THSD7A: variants seen among roughly 807,000 people sequenced by gnomAD.
THSD7A encodes the protein thrombospondin type-1 domain-containing protein 7A.
THSD7A carries 96 observed loss-of-function variants against 231.3 expected under a neutral mutation model. The ratio of observed to expected loss-of-function variants is 0.41; its 90% CI spans 0.35 to 0.49. The LOEUF is 0.49. Among genes scored for constraint, THSD7A ranks in the 20% least tolerant of loss-of-function variants. The pLI is 0.05. For missense variants in THSD7A, 2,290 were observed against 2,070.2 expected, an observed-to-expected ratio of 1.11 and a Z score of -2.06; for synonymous variants, 940 against 743.3, an observed-to-expected ratio of 1.26 and a Z score of -4.30.
In THSD7A at chr7:11,637,762, T is replaced by C. The variant is rs141684783; in HGVS notation, c.191-801A>G. 4.1e-4 allele frequency among the ~76,000 whole-genome samples: 63 copies of C among 152,320 alleles called. No homozygotes were observed. The highest frequency in any genetic ancestry group is 3.4e-3 in the Middle Eastern group (1 of 294). On this transcript the variant is annotated intron_variant, in intron 1 of 27. Coordinates refer to ENST00000423059, the MANE Select transcript of THSD7A (RefSeq NM_015204.3). The surrounding 1 kb of genome is among the most constrained non-coding windows in gnomAD (Gnocchi z 4.2). ...CTGTTTGATGTGATACTTAAATCAG[T>C]GGCTTTAATATGAAATATGGGTTTT...
At chr7:11,410,184 G>A (rs547043304) in intron 19 of THSD7A, among the ~76,000 whole-genome samples, 16 of 152,260 alleles carry the variant, frequency 1.1e-4, no homozygotes, top group African/African-American at 3.8e-4. Flanking sequence ...ATTGCAGGAG[G>A]CATTTATTAA....
intron 11 of THSD7A, among the ~76,000 whole-genome samples, chr7:11,458,915 G>GA (rs1261321370): frequency 6.6e-6 from 1 of 152,134 alleles, no homozygotes; most frequent in Non-Finnish European, 1.5e-5. Flanking sequence ...GTTTAATGAA[G>GA]ACAGCATGTG....
intron 1 of THSD7A, among the ~76,000 whole-genome samples, chr7:11,810,362 C>A (rs1464359697): frequency 2.0e-5 from 3 of 152,150 alleles, no homozygotes; most frequent in Admixed American, 2.0e-4. Flanking sequence ...TTTCTTGGCC[C>A]TTCCTTGCCC....
At chr7:11,644,476 G>C (rs1170568548) in intron 1 of THSD7A, among the ~76,000 whole-genome samples, 1 of 151,912 alleles carries the variant, frequency 6.6e-6, no homozygotes, top group African/African-American at 2.4e-5. Context: ...TAGCTTCTTT[G>C]ACTTGAGTTT....
intron 6 of THSD7A, among the ~76,000 whole-genome samples, chr7:11,511,301 A>G (rs1787798745): frequency 6.6e-6 from 1 of 152,210 alleles, no homozygotes; most frequent in Non-Finnish European, 1.5e-5. Context: ...AACAAATGGA[A>G]GAACATTCCA....
intron 6 of THSD7A, among the ~76,000 whole-genome samples, chr7:11,532,053 A>G (rs2023864): frequency 0.77 from 117,337 of 151,900 alleles, 46,160 homozygotes; most frequent in African/African-American, 0.91. Flanking sequence ...GCAATAAGTG[A>G]CCATTCAGCT....
intron 1 of THSD7A, among the ~76,000 whole-genome samples, chr7:11,771,578 T>G (rs1159365706): frequency 6.6e-6 from 1 of 152,140 alleles, no homozygotes; most frequent in Non-Finnish European, 1.5e-5. Context: ...TTATGCAATT[T>G]CAATATATAC....
chr7:11,659,837 A>G (rs987563425), intron 1 of THSD7A, among the ~76,000 whole-genome samples: 1 of 151,494 alleles, frequency 6.6e-6, no homozygotes, highest in African/African-American at 2.4e-5. Flanking sequence ...ATTATAATAC[A>G]AATTTTGCTA....
At chr7:11,559,538 T>A (rs1251797360) in intron 4 of THSD7A, among the ~76,000 whole-genome samples, 1 of 150,912 alleles carries the variant, frequency 6.6e-6, no homozygotes, top group African/African-American at 2.4e-5. Context: ...TATATATAAA[T>A]CCATATATGT....
intron 1 of THSD7A, among the ~76,000 whole-genome samples, chr7:11,725,959 G>T (rs1254284041): frequency 6.6e-6 from 1 of 151,948 alleles, no homozygotes; most frequent in Non-Finnish European, 1.5e-5. Context: ...CTTGGAAAAT[G>T]AATCTTATGA....
chr7:11,768,557 C>T (rs1783101594), intron 1 of THSD7A, among the ~76,000 whole-genome samples: 1 of 152,040 alleles, frequency 6.6e-6, no homozygotes. Context: ...AGGTAATTAG[C>T]GATGGGTATG....
chr7:11,760,094 G>C (rs753172097), intron 1 of THSD7A, among the ~76,000 whole-genome samples: 1 of 152,080 alleles, frequency 6.6e-6, no homozygotes, highest in Non-Finnish European at 1.5e-5. Context: ...GGAAAGAAGA[G>C]AAAGATGATG....
chr7:11,664,314 A>T (rs1446365549), intron 1 of THSD7A, among the ~76,000 whole-genome samples: 2 of 151,882 alleles, frequency 1.3e-5, no homozygotes, highest in African/African-American at 4.8e-5. Flanking sequence ...GATGGCTGGG[A>T]GTAGACTTGG....
At chr7:11,798,090 T>C (rs1165981341) in intron 1 of THSD7A, among the ~76,000 whole-genome samples, 2 of 152,174 alleles carry the variant, frequency 1.3e-5, no homozygotes, top group Admixed American at 1.3e-4. Flanking sequence ...GATTGCAAGT[T>C]GTATAGGATT....
At chr7:11,787,239 G>A (rs531631526) in intron 1 of THSD7A, among the ~76,000 whole-genome samples, 8 of 151,064 alleles carry the variant, frequency 5.3e-5, no homozygotes, top group African/African-American at 2.0e-4. Flanking sequence ...ACACAGATCT[G>A]ACATTCTTCA....
At chr7:11,529,492 G>A (rs988458334) in intron 6 of THSD7A, among the ~76,000 whole-genome samples, 7 of 152,082 alleles carry the variant, frequency 4.6e-5, no homozygotes, top group Non-Finnish European at 8.8e-5. Context: ...GCAGGGACCA[G>A]GTGGGAGGTA....
chr7:11,463,085 T>C (rs1785566367), intron 9 of THSD7A, among the ~76,000 whole-genome samples: 1 of 152,178 alleles, frequency 6.6e-6, no homozygotes, highest in East Asian at 1.9e-4. Context: ...TCTTCAAATA[T>C]TTCATACATA....
intron 4 of THSD7A, among the ~76,000 whole-genome samples, chr7:11,587,119 C>T (rs1202403107): frequency 6.6e-6 from 1 of 152,162 alleles, no homozygotes; most frequent in African/African-American, 2.4e-5. Context: ...AATCTACTTT[C>T]ATTTTACTTT....
chr7:11,801,832 G>A (rs1008006356), intron 1 of THSD7A, among the ~76,000 whole-genome samples: 1 of 152,214 alleles, frequency 6.6e-6, no homozygotes, highest in East Asian at 1.9e-4. Context: ...GTCAGGCAAA[G>A]CTTACCACAA....
Sources: gnomAD v4.1 joint callset for allele counts (sites outside exome capture counted in the v4.1 genomes callset) on GRCh38, gnomAD v4.1.1 for gene constraint, Gnocchi (gnomAD v3.1) non-coding constraint, MANE v1.5 for transcripts, NCBI Gene and HGNC (gene_info 2026-07-23, HGNC 2026-07-21) for gene names.